Variants in SMAD9 observed in about 807,000 individuals in gnomAD.
The protein encoded by SMAD9 is SMAD family member 9.
In SMAD9, 36 loss-of-function variants were observed where a neutral mutation model predicts 46.1. The observed-to-expected ratio is 0.78, with a 90% confidence interval of 0.60 to 1.03. SMAD9 has a LOEUF of 1.03. Ranked by LOEUF, SMAD9 falls within the 50% of genes least tolerant of loss-of-function variation. The pLI is 0.00. For synonymous variants in SMAD9, 245 were observed against 237.1 expected (o/e 1.03, Z -0.31); for missense variants, 572 against 599.8 (o/e 0.95, Z 0.48).
At chr13:36,917,321 T>C (rs55699938) in intron 1 of SMAD9, among the ~76,000 whole-genome samples, 6,405 of 152,254 alleles carry the variant, frequency 0.042, 433 homozygotes, top group African/African-American at 0.15. Flanking sequence ...ACTTAGGACA[T>C]GGACATTCAC....
At chr13:36,878,663 C>G (rs1437452342) in intron 2 of SMAD9, among the ~76,000 whole-genome samples, 1 of 152,124 alleles carries the variant, frequency 6.6e-6, no homozygotes. Flanking sequence ...CTTCTACTTA[C>G]CTGAACTTGA....
At chr13:36,862,909 C>T (rs530399229) in intron 5 of SMAD9, among the ~76,000 whole-genome samples, 1 of 152,292 alleles carries the variant, frequency 6.6e-6, no homozygotes, top group Non-Finnish European at 1.5e-5. Context: ...TGTTGTATTT[C>T]GTGTCTGTCT....
At position 36,920,208 on chromosome 13, in the gene SMAD9, G is replaced by A. The variant is rs1335323346; in HGVS notation, c.-279C>T. On this transcript the variant is annotated 5_prime_UTR_variant, in exon 1 of 7. Transcript: ENST00000379826. ...CAGCAGCGGCGGCGGCGGCGGCGGC[G>A]GCGGCGGCCCCAGCCGGCGTCAGTC... 3 of 165,012 alleles carry A rather than the reference G, an allele frequency of 1.8e-5. No homozygotes were observed. The highest frequency in any genetic ancestry group is 4.9e-5 in the African/African-American group (2 of 41,058). 10.2% of individuals were successfully genotyped at this position (165,012 alleles called of 1,614,324 possible).
chr13:36,892,825 C>T (rs1039873365), intron 1 of SMAD9, among the ~76,000 whole-genome samples: 6 of 152,156 alleles, frequency 3.9e-5, no homozygotes, highest in Admixed American at 3.9e-4. Flanking sequence ...AATGTGAAGA[C>T]ATTCTATGCA....
chr13:36,880,186 T>C (rs962177612), intron 1 of SMAD9, among the ~76,000 whole-genome samples: 14 of 152,354 alleles, frequency 9.2e-5, no homozygotes, highest in African/African-American at 2.9e-4. Context: ...TCTTTGGAGT[T>C]TGTCCTTTCT....
At chr13:36,913,595 T>C (rs2058677392) in intron 1 of SMAD9, among the ~76,000 whole-genome samples, 1 of 152,184 alleles carries the variant, frequency 6.6e-6, no homozygotes, top group African/African-American at 2.4e-5. Flanking sequence ...CAAGTAAAAC[T>C]GCCACTCCTT....
chr13:36,860,665 G>A (rs2058172725), intron 5 of SMAD9, among the ~76,000 whole-genome samples: 3 of 151,810 alleles, frequency 2.0e-5, no homozygotes, highest in Non-Finnish European at 4.4e-5. Context: ...GTGTTAGCCA[G>A]GAGGGTCTCG....
chr13:36,862,501 A>G (rs1170443017), intron 5 of SMAD9, among the ~76,000 whole-genome samples: 1 of 152,194 alleles, frequency 6.6e-6, no homozygotes. Context: ...GTTACCCTAT[A>G]TAGTCTAAAA....
intron 5 of SMAD9, among the ~76,000 whole-genome samples, chr13:36,857,041 T>C (rs187857456): frequency 6.6e-6 from 1 of 151,842 alleles, no homozygotes; most frequent in Non-Finnish European, 1.5e-5. Context: ...TGACCTCAGG[T>C]GATCCACCTG....
chr13:36,880,877 A>T (rs2058397239), intron 1 of SMAD9, among the ~76,000 whole-genome samples: 1 of 152,218 alleles, frequency 6.6e-6, no homozygotes, highest in South Asian at 2.1e-4. Flanking sequence ...TGATTCAATC[A>T]ATATTTTTTT....
chr13:36,897,738 T>G (rs2058540084), intron 1 of SMAD9, among the ~76,000 whole-genome samples: 1 of 152,136 alleles, frequency 6.6e-6, no homozygotes, highest in African/African-American at 2.4e-5. Context: ...GTATAATGCA[T>G]TTGCATTTTC....
intron 1 of SMAD9, among the ~76,000 whole-genome samples, chr13:36,912,889 A>C (rs1288445216): frequency 6.6e-6 from 1 of 152,160 alleles, no homozygotes; most frequent in Non-Finnish European, 1.5e-5. Context: ...AAATACAGTC[A>C]TCCCCAGGTA....
At chr13:36,859,512 G>A (rs370336575) in intron 5 of SMAD9, among the ~76,000 whole-genome samples, 4 of 152,306 alleles carry the variant, frequency 2.6e-5, no homozygotes, top group East Asian at 1.9e-4. Flanking sequence ...CCAAGATGGC[G>A]ATGAGAGTAA....
chr13:36,855,233 C>A (rs966247980), intron 5 of SMAD9, among the ~76,000 whole-genome samples: 1 of 128,044 alleles, frequency 7.8e-6, no homozygotes, highest in Non-Finnish European at 1.5e-5. Context: ...GACTGGGCGA[C>A]TGAGTGAGAG....
rs201526019 is a variant in SMAD9, at chr13:36,853,659, G to A, written c.1020C>T (p.Tyr340=). The change falls in exon 6 of 7, where the codon TAC becomes TAT. Residue 340 remains tyrosine (Y), a synonymous_variant. Transcript: ENST00000379826. ...RHIGKGVHLY[Y]VGGEVYAECV... ...ACTCGGCATACACCTCTCCCCCGAC[G>A]TAGTACAAGTGCACACCTGCAGACA... 225 of 1,614,068 alleles carry A rather than the reference G, an allele frequency of 1.4e-4. 4 individuals carry two copies. The South Asian group carries it at 2.2e-3, about 15-fold the overall frequency.
chr13:36,879,650 T>G lies in SMAD9; in HGVS notation c.40A>C (p.Thr14Pro). 2 of 1,614,110 alleles carry G rather than the reference T, an allele frequency of 1.2e-6. No individual in the cohort carries two copies. The highest frequency in any genetic ancestry group is 1.7e-6 in the Non-Finnish European group (2 of 1,180,010). The change falls in exon 2 of 7, where the codon ACC becomes CCC. Residue 14 changes from threonine to proline, a missense_variant. Thr to Pro is a conservative substitution (Grantham distance 38, BLOSUM62 -1). Coordinates refer to ENST00000379826, the MANE Select transcript of SMAD9 (RefSeq NM_001127217.3). ...TTPISSLFSF[T>P]SPAVKRLLGW... The stretch of plus-strand genomic sequence containing the variant: ...AGCAGTCTCTTCACTGCGGGGCTGG[T>G]GAAGGAGAAGAGGGAGCTGATGGGG...
At chr13:36,887,214 CTTTTTTTTTT>C (rs34299786) in intron 1 of SMAD9, among the ~76,000 whole-genome samples, 227 of 65,604 alleles carry the variant, frequency 3.5e-3, no homozygotes, top group Admixed American at 5.2e-3. Flanking sequence ...CTGACTAGAT[CTTTTTTTTTT>C]TTTTTTTTTT....
chr13:36,879,938 T>C (rs2058388240), intron 1 of SMAD9, 63 bp from the exon 2 acceptor site: 1 of 540,520 alleles, frequency 1.9e-6, no homozygotes, highest in Non-Finnish European at 3.3e-6. Flanking sequence ...AAGTTGAAGT[T>C]GGATAGAAAG....
rs553622498 is a variant in SMAD9, at chr13:36,884,707, T to G, written c.-186-4832A>C. 6.6e-5 allele frequency among the ~76,000 whole-genome samples: 10 copies of G among 152,330 alleles called. No homozygotes were observed. The East Asian group carries it at 1.7e-3, about 26-fold the overall frequency. On this transcript the variant is annotated intron_variant, in intron 1 of 6. Transcript: ENST00000379826. ...AAATCCAGCTCCCATTAGCAGTTAC[T>G]GAAGATGATTTCCACTCAGTTGGTC...
Sources: allele counts gnomAD v4.1 joint callset (sites outside exome capture counted in the v4.1 genomes callset), GRCh38; gene constraint gnomAD v4.1.1; transcripts MANE v1.5; gene names NCBI Gene and HGNC (gene_info 2026-07-23, HGNC 2026-07-21).